Variants in SGCD observed in about 807,000 individuals in gnomAD.
SGCD encodes the protein sarcoglycan delta, also known as delta-sarcoglycan.
In SGCD, 18 loss-of-function variants were observed where a neutral mutation model predicts 36.6. The ratio of observed to expected loss-of-function variants is 0.49; its 90% confidence interval spans 0.34 to 0.73. The LOEUF (loss-of-function observed/expected upper bound fraction) is 0.73. Ranked by LOEUF, SGCD falls within the 30% of genes least tolerant of loss-of-function variation. The pLI, the probability that SGCD is intolerant of heterozygous loss-of-function variation, is 0.01. For missense variants in SGCD, 387 were observed against 346.7 expected (o/e 1.12, Z -0.92); for synonymous variants, 133 against 130.6 (o/e 1.02, Z -0.12).
chr5:156,530,964 G>A (rs374305591), intron 4 of SGCD, among the ~76,000 whole-genome samples: 7 of 152,240 alleles, frequency 4.6e-5, no homozygotes, highest in Non-Finnish European at 7.4e-5. Context: ...AGCAAAACTC[G>A]GGTTAGGGAG....
the SGCD span, among the ~76,000 whole-genome samples, chr5:155,746,371 T>A: frequency 6.6e-6 from 1 of 151,370 alleles, no homozygotes; most frequent in Non-Finnish European, 1.5e-5. Flanking sequence ...CCAGCCTGGG[T>A]GACAGAGCAA....
chr5:155,775,711 G>A, the SGCD span, among the ~76,000 whole-genome samples: 1 of 151,924 alleles, frequency 6.6e-6, no homozygotes, highest in Admixed American at 6.6e-5. Context: ...CACTCATTCA[G>A]TCTCTGATTA....
chr5:155,877,853 C>A (rs1228451552), intron 1 of SGCD, among the ~76,000 whole-genome samples: 1 of 152,032 alleles, frequency 6.6e-6, no homozygotes, highest in East Asian at 1.9e-4. Flanking sequence ...TGATAATATG[C>A]ATTATGACTA....
chr5:155,960,665 C>A (rs1246600740), intron 1 of SGCD, among the ~76,000 whole-genome samples: 1 of 152,116 alleles, frequency 6.6e-6, no homozygotes, highest in South Asian at 2.1e-4. Context: ...GAAAGCCTAA[C>A]ATTTTAGAAG....
chr5:156,657,713 G>A (rs968664872), intron 7 of SGCD, among the ~76,000 whole-genome samples: 2 of 152,202 alleles, frequency 1.3e-5, no homozygotes, highest in African/African-American at 4.8e-5. Context: ...AGTTGTAGGG[G>A]TGGGTTGCCC....
intron 3 of SGCD, among the ~76,000 whole-genome samples, chr5:156,439,142 A>C (rs534124137): frequency 3.4e-4 from 52 of 152,272 alleles, no homozygotes; most frequent in African/African-American, 1.2e-3. Context: ...TCCAGGCACT[A>C]TTCCAAGGAC....
intron 6 of SGCD, among the ~76,000 whole-genome samples, chr5:156,605,366 C>A (rs1288624055): frequency 6.6e-6 from 1 of 152,198 alleles, no homozygotes; most frequent in Non-Finnish European, 1.5e-5. Context: ...CATGTCCCTA[C>A]AAAGGACATG....
chr5:156,568,657 T>C (rs981992250), intron 4 of SGCD, among the ~76,000 whole-genome samples: 3 of 152,200 alleles, frequency 2.0e-5, no homozygotes, highest in Non-Finnish European at 4.4e-5. Context: ...CCATGTGCAC[T>C]TGTACAGTGG....
At position 156,013,190 on chromosome 5, in the gene SGCD, A is replaced by G. The variant is rs10055067; in HGVS notation, c.-281-104688A>G. ...TGGGCACACGCCACCACACCCGGCT[A>G]ATTTTTGTATTTTTAGTAGAGATGG... On this transcript the variant is annotated intron_variant, in intron 1 of 9. Transcript: ENST00000517913. 5.6e-3 allele frequency among the ~76,000 whole-genome samples: 845 copies of G among 151,792 alleles called. 6 individuals are homozygous for G. The highest frequency in any genetic ancestry group is 0.02 in the African/African-American group (809 of 41,426).
At position 156,741,883 on chromosome 5, in the gene SGCD, T is replaced by C. The variant is rs546319822; in HGVS notation, c.576-15698T>C. ...AATTATGTTTTCAGGTTTTTTTTTT[T>C]TTCTTTTTTTGAGACAGAGTCTTGC... On this transcript the variant is annotated intron_variant, in intron 7 of 8. Coordinates refer to ENST00000337851, the MANE Select transcript of SGCD (RefSeq NM_000337.6). Among the ~76,000 whole-genome samples the C allele has an allele frequency of 8.5e-5, 13 of 152,196 alleles. No homozygotes were observed. The South Asian group carries it at 2.7e-3, about 32-fold the overall frequency.
intron 3 of SGCD, among the ~76,000 whole-genome samples, chr5:156,234,599 G>A (rs1350798550): frequency 6.6e-6 from 1 of 152,170 alleles, no homozygotes; most frequent in Non-Finnish European, 1.5e-5. Context: ...GCTAATGGGA[G>A]CATGGCACTA....
At chr5:156,045,146 A>C (rs570745742) in intron 1 of SGCD, among the ~76,000 whole-genome samples, 1 of 152,258 alleles carries the variant, frequency 6.6e-6, no homozygotes, top group East Asian at 1.9e-4. Context: ...CTTTCTCAAC[A>C]CAGACATTTA....
At chr5:156,428,535 T>C (rs1306009883) in intron 3 of SGCD, among the ~76,000 whole-genome samples, 1 of 152,130 alleles carries the variant, frequency 6.6e-6, no homozygotes, top group East Asian at 1.9e-4. Flanking sequence ...TTCATTTTTA[T>C]TTAGTTCTGC....
chr5:156,729,411 G>A (rs964066364), intron 7 of SGCD, among the ~76,000 whole-genome samples: 1 of 152,154 alleles, frequency 6.6e-6, no homozygotes, highest in Non-Finnish European at 1.5e-5. Flanking sequence ...GTGGCTTAAC[G>A]CAAAGGCCTC....
intron 3 of SGCD, among the ~76,000 whole-genome samples, chr5:156,264,477 G>A (rs1213935514): frequency 6.6e-6 from 1 of 152,104 alleles, no homozygotes; most frequent in Non-Finnish European, 1.5e-5. Flanking sequence ...TTATATTTTA[G>A]TTAATATCAA....
At chr5:155,988,676 A>C (rs1484078347) in intron 1 of SGCD, among the ~76,000 whole-genome samples, 1 of 152,198 alleles carries the variant, frequency 6.6e-6, no homozygotes, top group African/African-American at 2.4e-5. Context: ...GGATATATTG[A>C]AGATTAAAAG....
At position 155,886,253 on chromosome 5, in the gene SGCD, A is replaced by G. The variant is rs187540235; in HGVS notation, c.-282+15829A>G. Among the ~76,000 whole-genome samples, 59 of 152,294 alleles carry G rather than the reference A, an allele frequency of 3.9e-4. No individual in the cohort carries two copies. In the Middle Eastern group the frequency reaches 0.014, roughly 35 times the overall value. On this transcript the variant is annotated intron_variant, in intron 1 of 9. Transcript: ENST00000517913. ...AGCAGTACGTGCAGTTAGGTCTTAT[A>G]AGGGACTGGAATGAGGATGTGGAGC...
At chr5:156,092,266 G>A (rs553966249) in intron 1 of SGCD, among the ~76,000 whole-genome samples, 1 of 152,302 alleles carries the variant, frequency 6.6e-6, no homozygotes, top group African/African-American at 2.4e-5. Context: ...CTTTCTGTCA[G>A]TCGTTAGGCT....
At chr5:156,212,233 A>C (rs1764461440) in intron 3 of SGCD, among the ~76,000 whole-genome samples, 1 of 152,244 alleles carries the variant, frequency 6.6e-6, no homozygotes, top group Admixed American at 6.5e-5. Context: ...AATGGATTTT[A>C]AAAAGATCTA....
Sources: gnomAD v4.1 joint callset for allele counts (sites outside exome capture counted in the v4.1 genomes callset) on GRCh38, gnomAD v4.1.1 for gene constraint, MANE v1.5 for transcripts, NCBI Gene and HGNC (gene_info 2026-07-23, HGNC 2026-07-21) for gene names.